The following CEP63 variants were observed in gnomAD, a reference collection of about 807,000 sequenced individuals.
CEP63 encodes the protein centrosomal protein 63.
Under a neutral mutation model 89.1 loss-of-function variants are expected in CEP63, and 84 were observed. That is an observed-to-expected ratio of 0.94 (90% CI 0.79 to 1.13). CEP63 has a LOEUF of 1.13. Among genes scored for constraint, CEP63 ranks in the 50% most tolerant of loss-of-function variants. The pLI is 0.00. For synonymous variants in CEP63, 267 were observed against 272.5 expected (o/e 0.98, Z 0.20); for missense variants, 838 against 813.3 (o/e 1.03, Z -0.37).
the CEP63 span, chr3:134,607,408 G>A: frequency 1.0e-6 from 1 of 985,638 alleles, no homozygotes; most frequent in Non-Finnish European, 1.2e-6. Flanking sequence ...CTCCCCAGGG[G>A]CTCTGGGCCC....
chr3:134,620,250 T>G, the CEP63 span, among the ~76,000 whole-genome samples: 1 of 152,134 alleles, frequency 6.6e-6, no homozygotes, highest in African/African-American at 2.4e-5. Context: ...TCCAAGAACC[T>G]TGGAGACTGC....
At chr3:134,490,235 A>G (rs1180203002) in intron 1 of CEP63, among the ~76,000 whole-genome samples, 2 of 152,132 alleles carry the variant, frequency 1.3e-5, no homozygotes, top group Admixed American at 1.3e-4. Context: ...TTAACATTTA[A>G]ATTTCCAAAA....
At chr3:134,702,338 A>G in the CEP63 span, among the ~76,000 whole-genome samples, 1 of 152,028 alleles carries the variant, frequency 6.6e-6, no homozygotes, top group African/African-American at 2.4e-5. Flanking sequence ...TACCACTAAC[A>G]TTCTTCACAG....
chr3:134,581,693 T>TTTTTTTTTA (rs1958352819), intron 10 of CEP63, among the ~76,000 whole-genome samples: 3 of 143,992 alleles, frequency 2.1e-5, no homozygotes, highest in East Asian at 4.1e-4. Flanking sequence ...TTTTTTTTTT[T>TTTTTTTTTA]GAGACGGAGT....
chr3:134,728,800 G>T, the CEP63 span, among the ~76,000 whole-genome samples: 2 of 152,160 alleles, frequency 1.3e-5, no homozygotes, highest in African/African-American at 4.8e-5. Context: ...AATATTAACA[G>T]ATTTATCTTG....
the CEP63 span, among the ~76,000 whole-genome samples, chr3:134,643,784 G>T: frequency 6.6e-6 from 1 of 151,742 alleles, no homozygotes; most frequent in Admixed American, 6.6e-5. Context: ...TCTGACCTGG[G>T]ACTTGAACCT....
chr3:134,620,637 G>A, the CEP63 span: 2 of 737,420 alleles, frequency 2.7e-6, no homozygotes, highest in Non-Finnish European at 2.4e-6. Context: ...CTGGGTCCCT[G>A]TCCCCCACCT....
chr3:134,628,742 C>G, the CEP63 span, among the ~76,000 whole-genome samples: 1 of 152,098 alleles, frequency 6.6e-6, no homozygotes, highest in Non-Finnish European at 1.5e-5. Flanking sequence ...GAGGCAGATT[C>G]GCTTATTTTC....
At chr3:134,665,698 C>CAGAG in the CEP63 span, among the ~76,000 whole-genome samples, 15 of 104,370 alleles carry the variant, frequency 1.4e-4, no homozygotes, top group African/African-American at 5.6e-4. Context: ...CACACACACA[C>CAGAG]ACACAGAGAG....
At chr3:134,507,568 A>G (rs1304842254) in intron 3 of CEP63, among the ~76,000 whole-genome samples, 1 of 152,172 alleles carries the variant, frequency 6.6e-6, no homozygotes, top group Non-Finnish European at 1.5e-5. Context: ...TTTAACCTTC[A>G]TCATATTACA....
intron 1 of CEP63, among the ~76,000 whole-genome samples, chr3:134,487,786 A>G (rs1291704373): frequency 2.0e-5 from 3 of 152,226 alleles, no homozygotes; most frequent in Admixed American, 1.3e-4. Flanking sequence ...GATTTCTTCA[A>G]CTGTCTCTTA....
intron 3 of CEP63, among the ~76,000 whole-genome samples, chr3:134,518,195 A>T (rs188108231): frequency 1.1e-4 from 17 of 152,320 alleles, no homozygotes; most frequent in African/African-American, 4.1e-4. Flanking sequence ...AATTAAGTAC[A>T]TGGTAATCAT....
chr3:134,557,528 G>A (rs1218497225), intron 12 of CEP63, among the ~76,000 whole-genome samples: 1 of 151,154 alleles, frequency 6.6e-6, no homozygotes, highest in African/African-American at 2.4e-5. Context: ...TTCAAGTAGT[G>A]TCTTACCAGG....
At chr3:134,736,883 G>A in the CEP63 span, among the ~76,000 whole-genome samples, 1 of 152,066 alleles carries the variant, frequency 6.6e-6, no homozygotes, top group African/African-American at 2.4e-5. Flanking sequence ...AATAAGGGGT[G>A]GCAACTAATC....
chr3:134,765,169 A>C, the CEP63 span, among the ~76,000 whole-genome samples: 1 of 152,226 alleles, frequency 6.6e-6, no homozygotes, highest in Non-Finnish European at 1.5e-5. Flanking sequence ...TACTTTGGGA[A>C]TGACCATGAT....
chr3:134,495,066 A>G (rs1172394991), intron 1 of CEP63, among the ~76,000 whole-genome samples: 1 of 152,188 alleles, frequency 6.6e-6, no homozygotes, highest in East Asian at 1.9e-4. Flanking sequence ...TTACACGGAG[A>G]GAGTGTCAAC....
chr3:134,585,854 T>A (rs910411546), intron 10 of CEP63, among the ~76,000 whole-genome samples: 4 of 152,178 alleles, frequency 2.6e-5, no homozygotes, highest in Admixed American at 6.5e-5. Flanking sequence ...TCTAAGGACT[T>A]GCTTTATGAA....
chr3:134,739,672 A>T, the CEP63 span, among the ~76,000 whole-genome samples: 5 of 152,140 alleles, frequency 3.3e-5, no homozygotes, highest in Admixed American at 1.3e-4. Flanking sequence ...TACCATGTAC[A>T]CGAACTTTAA....
the CEP63 span, among the ~76,000 whole-genome samples, chr3:134,768,574 A>C: frequency 1.3e-5 from 2 of 152,134 alleles, no homozygotes; most frequent in Non-Finnish European, 2.9e-5. Flanking sequence ...CATGGGAAAC[A>C]CTGGGATTTC....
Sources: allele counts gnomAD v4.1 joint callset (sites outside exome capture counted in the v4.1 genomes callset), GRCh38; gene constraint gnomAD v4.1.1; transcripts MANE v1.5; gene names NCBI Gene and HGNC (gene_info 2026-07-23, HGNC 2026-07-21).